PPP2R5E: variants seen among roughly 807,000 people sequenced by gnomAD.
The protein encoded by PPP2R5E is serine/threonine-protein phosphatase 2A 56 kDa regulatory subunit epsilon isoform.
In PPP2R5E, 4 loss-of-function variants were observed where a neutral mutation model predicts 65.3. The ratio of observed to expected loss-of-function variants is 0.06; its 90% CI spans 0.03 to 0.14. The LOEUF is 0.14. Among genes scored for constraint, PPP2R5E ranks in the 10% least tolerant of loss-of-function variants. PPP2R5E has a pLI of 1.00. For synonymous variants in PPP2R5E, 183 were observed against 187.4 expected (o/e 0.98, Z 0.19); for missense variants, 274 against 556.1 (o/e 0.49, Z 5.10).
At chr14:63,541,133 T>C (rs1893885162) in intron 1 of PPP2R5E, among the ~76,000 whole-genome samples, 1 of 152,232 alleles carries the variant, frequency 6.6e-6, no homozygotes, top group Admixed American at 6.5e-5. Context: ...ATGTGCTATG[T>C]TAGCTATGAT....
intron 13 of PPP2R5E, among the ~76,000 whole-genome samples, chr14:63,377,064 C>T (rs971858966): frequency 4.2e-4 from 63 of 151,276 alleles, no homozygotes; most frequent in African/African-American, 1.5e-3. Context: ...ACCCGGGGGG[C>T]GGAGATTGTG....
chr14:63,471,166 CG>C (rs1890109135), intron 2 of PPP2R5E, among the ~76,000 whole-genome samples: 1 of 152,106 alleles, frequency 6.6e-6, no homozygotes, highest in Non-Finnish European at 1.5e-5. Context: ...CATAAAAATG[CG>C]TAAGTTTCAA....
intron 5 of PPP2R5E, among the ~76,000 whole-genome samples, chr14:63,408,948 A>T (rs1004831417): frequency 6.6e-6 from 1 of 152,032 alleles, no homozygotes; most frequent in Non-Finnish European, 1.5e-5. Context: ...TACAAAAATT[A>T]GGGCCGGGCT....
At chr14:63,530,947 C>T (rs767265356) in intron 2 of PPP2R5E, among the ~76,000 whole-genome samples, 1 of 152,080 alleles carries the variant, frequency 6.6e-6, no homozygotes, top group Non-Finnish European at 1.5e-5. Context: ...AAACTCTGTA[C>T]AATAATTTTA....
At chr14:63,488,587 G>A (rs113094818) in intron 2 of PPP2R5E, among the ~76,000 whole-genome samples, 4,783 of 152,156 alleles carry the variant, frequency 0.031, 227 homozygotes, top group African/African-American at 0.11. Context: ...TGTGGGTCAT[G>A]CCTGTAATCC....
intron 5 of PPP2R5E, among the ~76,000 whole-genome samples, chr14:63,402,012 G>T (rs1885781180): frequency 6.6e-6 from 1 of 152,196 alleles, no homozygotes; most frequent in African/African-American, 2.4e-5. Context: ...GTGTATTGAT[G>T]ATTTACAATG....
Position 63,376,084 on chromosome 14 carries a change from A to C in PPP2R5E, c.1329T>G (p.Arg443=). 2 of 1,607,318 alleles carry C rather than the reference A, an allele frequency of 1.2e-6. No individual in the cohort carries two copies. Among genetic ancestry groups the C allele is most frequent in the Non-Finnish European group, 1.7e-6 (2 of 1,174,018 alleles). ...RQREKKKEKE[R]EELWKKLEDL... ...CCTCCAATTTTTTCCACAATTCTTC[A>C]CGCTCCTTTTCTTTCTTTTTCTCAC... Residue 443 remains arginine (R), a synonymous_variant, in exon 14 of 14, where the codon CGT becomes CGG. Transcript: ENST00000337537.
chr14:63,400,226 A>T (rs1885667995), intron 5 of PPP2R5E, among the ~76,000 whole-genome samples: 1 of 152,248 alleles, frequency 6.6e-6, no homozygotes, highest in Non-Finnish European at 1.5e-5. Context: ...CAAGACAGAT[A>T]CAGTCTTTGC....
At chr14:63,471,347 T>C (rs1025939298) in intron 2 of PPP2R5E, among the ~76,000 whole-genome samples, 11 of 152,286 alleles carry the variant, frequency 7.2e-5, no homozygotes, top group South Asian at 2.1e-4. Flanking sequence ...ATAAGCAATG[T>C]CAAAATACAC....
chr14:63,430,438 A>G (rs1483185120), intron 3 of PPP2R5E, among the ~76,000 whole-genome samples: 2 of 140,358 alleles, frequency 1.4e-5, no homozygotes, highest in African/African-American at 6.5e-5. Flanking sequence ...TACATATTCA[A>G]CTGTAAGAAT....
intron 2 of PPP2R5E, among the ~76,000 whole-genome samples, chr14:63,538,479 TC>T (rs1893763144): frequency 6.7e-6 from 1 of 149,954 alleles, no homozygotes; most frequent in Non-Finnish European, 1.5e-5. Flanking sequence ...GGTCTCAAAC[TC>T]CTGACCTCGT....
At chr14:63,472,845 G>C (rs576345166) in intron 2 of PPP2R5E, among the ~76,000 whole-genome samples, 1 of 152,362 alleles carries the variant, frequency 6.6e-6, no homozygotes, top group African/African-American at 2.4e-5. Flanking sequence ...AAACTGCAGG[G>C]TAACCTGGGT....
intron 2 of PPP2R5E, among the ~76,000 whole-genome samples, chr14:63,517,957 T>C (rs908759242): frequency 2.0e-5 from 3 of 152,204 alleles, no homozygotes; most frequent in Admixed American, 2.0e-4. Context: ...TTCCCCACTA[T>C]TCCAAGCAGT....
rs893818484 is a variant in PPP2R5E at position 63,506,325 on chromosome 14, C to T, written c.157+33204G>A. Among the ~76,000 whole-genome samples the T allele has an allele frequency of 7.2e-5, 11 of 152,174 alleles. No homozygotes were observed. In the East Asian group the frequency reaches 2.1e-3, roughly 29 times the overall value. On this transcript the variant is annotated intron_variant, in intron 2 of 13. Coordinates refer to ENST00000337537, the MANE Select transcript of PPP2R5E (RefSeq NM_006246.5). Reference sequence around the variant, plus strand: ...AATTAGCCGGGCATGGTGGCGGGCGCCTGTAGTCCCAGCTACTCAGGAGGC... The same window carrying T: ...AATTAGCCGGGCATGGTGGCGGGCGTCTGTAGTCCCAGCTACTCAGGAGGC...
intron 2 of PPP2R5E, among the ~76,000 whole-genome samples, chr14:63,520,036 C>G (rs1892832116): frequency 6.6e-6 from 1 of 151,630 alleles, no homozygotes; most frequent in African/African-American, 2.4e-5. Context: ...TCTCTGATCT[C>G]TAGCTACAAC....
intron 11 of PPP2R5E, among the ~76,000 whole-genome samples, chr14:63,388,813 C>T (rs1311929660): frequency 6.6e-6 from 1 of 152,152 alleles, no homozygotes; most frequent in Admixed American, 6.5e-5. Flanking sequence ...TCTGGTTCTG[C>T]GCTAAGAACC....
intron 2 of PPP2R5E, among the ~76,000 whole-genome samples, chr14:63,523,569 T>C (rs1412013393): frequency 2.0e-5 from 3 of 148,760 alleles, no homozygotes; most frequent in Non-Finnish European, 4.5e-5. Flanking sequence ...ACACAAACAC[T>C]GCGGAAGGCC....
At chr14:63,419,462 A>C (rs903661101) in intron 4 of PPP2R5E, among the ~76,000 whole-genome samples, 21 of 152,212 alleles carry the variant, frequency 1.4e-4, no homozygotes, top group Non-Finnish European at 1.5e-5. Flanking sequence ...CTATGACATG[A>C]ATGACCTATC....
intron 2 of PPP2R5E, among the ~76,000 whole-genome samples, chr14:63,455,858 T>C (rs947535960): frequency 6.6e-6 from 1 of 151,610 alleles, no homozygotes; most frequent in African/African-American, 2.4e-5. Context: ...TGAGATGAAG[T>C]CTTGTTCAAG....
Sources: allele counts gnomAD v4.1 joint callset (sites outside exome capture counted in the v4.1 genomes callset), GRCh38; gene constraint gnomAD v4.1.1; transcripts MANE v1.5; gene names NCBI Gene and HGNC (gene_info 2026-07-23, HGNC 2026-07-21).